Variants in CCDC102B observed in about 807,000 individuals in gnomAD.
CCDC102B encodes coiled-coil domain containing 102B.
A neutral mutation model predicts 57.4 loss-of-function variants in CCDC102B; 75 were observed. That is an observed-to-expected ratio of 1.31 (90% CI 1.08 to 1.58). CCDC102B has a LOEUF of 1.58. Among genes scored for constraint, CCDC102B ranks in the 40% most tolerant of loss-of-function variants. The probability of loss-of-function intolerance (pLI) is 0.00; values close to 1 mark genes in which losing one functional copy is unlikely to be tolerated. For synonymous variants in CCDC102B, 206 were observed against 201.9 expected (o/e 1.02, Z -0.17); for missense variants, 636 against 582.6 (o/e 1.09, Z -0.94).
chr18:68,771,305 G>A (rs2034629499), intron 2 of CCDC102B, among the ~76,000 whole-genome samples: 1 of 152,180 alleles, frequency 6.6e-6, no homozygotes, highest in African/African-American at 2.4e-5. Context: ...CGTTGGGTCA[G>A]GATGAGAAAA....
chr18:68,914,216 C>G (rs1311051233), intron 6 of CCDC102B, among the ~76,000 whole-genome samples: 3 of 152,182 alleles, frequency 2.0e-5, no homozygotes, highest in Non-Finnish European at 4.4e-5. Flanking sequence ...GTTTGAGACT[C>G]TCCCCATGTC....
intron 2 of CCDC102B, among the ~76,000 whole-genome samples, chr18:68,730,186 C>T (rs1189095906): frequency 6.6e-6 from 1 of 152,012 alleles, no homozygotes; most frequent in Non-Finnish European, 1.5e-5. Flanking sequence ...GATATTTTAT[C>T]TAAATGAATT....
intron 3 of CCDC102B, among the ~76,000 whole-genome samples, chr18:68,843,503 TAAAC>T (rs771176764): frequency 3.3e-4 from 50 of 152,200 alleles, no homozygotes; most frequent in Middle Eastern, 3.4e-3. Flanking sequence ...ATTGTGACAG[TAAAC>T]AAAGTATCAA....
chr18:68,758,985 TAAC>T (rs1401488751), intron 2 of CCDC102B, among the ~76,000 whole-genome samples: 2 of 123,350 alleles, frequency 1.6e-5, no homozygotes, highest in East Asian at 2.5e-4. Context: ...AAATAAGAAA[TAAC>T]AACAGAATGC....
rs142518004 is a variant in CCDC102B at position 68,854,768 on chromosome 18, C to A, written c.936+8347C>A. On this transcript the variant is annotated intron_variant, in intron 4 of 7. Transcript: ENST00000360242. ...GAAGTGATCAGCAGATGCTTGAAGA[C>A]AGGCTTAATGGGAGTAGATAAAGAA... Among the ~76,000 whole-genome samples the A allele has an allele frequency of 2.4e-3, 366 of 152,268 alleles. 5 individuals carry two copies. Among genetic ancestry groups the A allele is most frequent in the Middle Eastern group, 0.01 (3 of 294 alleles).
At chr18:68,801,523 AAG>A (rs1202572735) in intron 1 of CCDC102B, among the ~76,000 whole-genome samples, 3 of 148,974 alleles carry the variant, frequency 2.0e-5, no homozygotes, top group Non-Finnish European at 3.0e-5. Context: ...ATTTTGATAG[AAG>A]GATTTTTTTA....
intron 1 of CCDC102B, among the ~76,000 whole-genome samples, chr18:68,806,376 A>C (rs571842952): frequency 7.2e-5 from 11 of 152,238 alleles, no homozygotes; most frequent in African/African-American, 2.4e-4. Flanking sequence ...GGCCATGTGG[A>C]AGAGAATGAG....
chr18:68,772,372 A>G (rs144947129), intron 2 of CCDC102B, among the ~76,000 whole-genome samples: 24 of 152,312 alleles, frequency 1.6e-4, no homozygotes, highest in African/African-American at 5.5e-4. Context: ...AATCATACTC[A>G]GCAACATATT....
At chr18:68,971,507 T>C (rs574261792) in intron 6 of CCDC102B, among the ~76,000 whole-genome samples, 4 of 152,270 alleles carry the variant, frequency 2.6e-5, no homozygotes, top group Admixed American at 1.3e-4. Flanking sequence ...TATTCATAGA[T>C]CCCTTTTCTC....
chr18:69,031,751 C>T (rs556323288), intron 7 of CCDC102B, among the ~76,000 whole-genome samples: 1 of 152,186 alleles, frequency 6.6e-6, no homozygotes, highest in African/African-American at 2.4e-5. Context: ...AGTAGATTAT[C>T]ACCTGTGTAG....
intron 6 of CCDC102B, among the ~76,000 whole-genome samples, chr18:68,987,739 T>C (rs1450638446): frequency 6.6e-6 from 1 of 151,722 alleles, no homozygotes; most frequent in Non-Finnish European, 1.5e-5. Flanking sequence ...GCAAAAGACA[T>C]GAACAGACAC....
intron 6 of CCDC102B, among the ~76,000 whole-genome samples, chr18:68,943,713 T>A (rs1041104283): frequency 1.3e-5 from 2 of 152,146 alleles, no homozygotes; most frequent in Non-Finnish European, 2.9e-5. Context: ...TGCCACACTT[T>A]GAGACCAATT....
chr18:68,806,738 G>A (rs1219544155), intron 1 of CCDC102B, among the ~76,000 whole-genome samples: 1 of 152,072 alleles, frequency 6.6e-6, no homozygotes, highest in Non-Finnish European at 1.5e-5. Context: ...AAATGAACAT[G>A]TGAAATTAAT....
At chr18:68,784,235 C>T (rs759844192) in intron 2 of CCDC102B, among the ~76,000 whole-genome samples, 1 of 152,026 alleles carries the variant, frequency 6.6e-6, no homozygotes, top group Non-Finnish European at 1.5e-5. Flanking sequence ...TAGGGGGCAG[C>T]GCTCAGAAAA....
intron 6 of CCDC102B, among the ~76,000 whole-genome samples, chr18:68,977,000 A>G (rs2050455722): frequency 6.6e-6 from 1 of 152,030 alleles, no homozygotes; most frequent in Admixed American, 6.6e-5. Flanking sequence ...GTCTTTTAAA[A>G]GGCTTTCTTT....
At chr18:68,775,039 GTTTT>G (rs1475542899) in intron 2 of CCDC102B, among the ~76,000 whole-genome samples, 1 of 136,720 alleles carries the variant, frequency 7.3e-6, no homozygotes, top group Non-Finnish European at 1.6e-5. Flanking sequence ...TTTTTTTTTT[GTTTT>G]GTCTTTTCAC....
intron 2 of CCDC102B, among the ~76,000 whole-genome samples, chr18:68,742,777 G>A (rs2033447100): frequency 6.6e-6 from 1 of 152,086 alleles, no homozygotes; most frequent in African/African-American, 2.4e-5. Context: ...TTCATTAGAG[G>A]CTGCATAGTG....
At chr18:68,964,021 A>G (rs892021129) in intron 6 of CCDC102B, among the ~76,000 whole-genome samples, 1 of 151,864 alleles carries the variant, frequency 6.6e-6, no homozygotes. Context: ...GGTACTTGCA[A>G]TACTCTTTCA....
At chr18:68,938,909 A>G (rs2049311730) in intron 6 of CCDC102B, among the ~76,000 whole-genome samples, 1 of 151,724 alleles carries the variant, frequency 6.6e-6, no homozygotes, top group African/African-American at 2.4e-5. Flanking sequence ...TAAAATATCA[A>G]TTAAATTTTT....
Sources: gnomAD v4.1 joint callset for allele counts (sites outside exome capture counted in the v4.1 genomes callset) on GRCh38, gnomAD v4.1.1 for gene constraint, MANE v1.5 for transcripts, NCBI Gene and HGNC (gene_info 2026-07-23, HGNC 2026-07-21) for gene names.